The following SHROOM4 variants were observed in gnomAD, a reference collection of about 807,000 sequenced individuals.
SHROOM4 encodes the protein shroom family member 4.
Under a neutral mutation model 80.3 loss-of-function variants are expected in SHROOM4, and 17 were observed. The ratio of observed to expected loss-of-function variants is 0.21; its 90% CI spans 0.14 to 0.32. The LOEUF (loss-of-function observed/expected upper bound fraction) is 0.32. SHROOM4 is among the 10% of genes least tolerant of loss of function. The pLI, the probability that SHROOM4 is intolerant of heterozygous loss-of-function variation, is 1.00. For missense variants in SHROOM4, 993 were observed against 1,140.3 expected (o/e 0.87, Z 1.86); for synonymous variants, 400 against 437.5 (o/e 0.91, Z 1.07).
At chrX:50,789,689 G>C (rs372691165) in intron 1 of SHROOM4, among the ~76,000 whole-genome samples, 3 of 111,811 alleles carry the variant, frequency 2.7e-5, no homozygotes, top group African/African-American at 9.7e-5. Context: ...TAATAGAAAA[G>C]ATCAACAAAA....
chrX:50,775,787 C>T (rs1415146359), intron 1 of SHROOM4, among the ~76,000 whole-genome samples: 1 of 112,194 alleles, frequency 8.9e-6, no homozygotes, highest in Non-Finnish European at 1.9e-5. Flanking sequence ...CCAGGTGTGA[C>T]ATATGAGGGA....
chrX:50,714,202 C>G (rs1296742446), intron 1 of SHROOM4, among the ~76,000 whole-genome samples: 3 of 111,803 alleles, frequency 2.7e-5, no homozygotes, highest in Non-Finnish European at 5.6e-5. Flanking sequence ...TTCATACCGA[C>G]AGCATGCTGT....
At chrX:50,780,347 T>C (rs1325185080) in intron 1 of SHROOM4, among the ~76,000 whole-genome samples, 1 of 111,123 alleles carries the variant, frequency 9.0e-6, no homozygotes, top group East Asian at 2.8e-4. Flanking sequence ...TAAGATACAA[T>C]TGGAAAATTC....
At chrX:50,607,253 A>G in intron 6 of SHROOM4, 128 bp downstream of exon 6, 2 of 638,055 alleles carry the variant, frequency 3.1e-6, no homozygotes, top group East Asian at 7.1e-5. Flanking sequence ...TTTCCAGGTA[A>G]GAAAACTGAG....
At chrX:50,670,379 G>A (rs1490029775) in intron 2 of SHROOM4, among the ~76,000 whole-genome samples, 2 of 109,922 alleles carry the variant, frequency 1.8e-5, no homozygotes, top group Non-Finnish European at 3.8e-5. Context: ...CTGTTCTTGT[G>A]TTAGTTTTCT....
intron 5 of SHROOM4, among the ~76,000 whole-genome samples, chrX:50,616,114 A>T (rs1173296792): frequency 1.8e-5 from 2 of 112,228 alleles, no homozygotes; most frequent in Admixed American, 9.4e-5. Context: ...TCCTACTTCA[A>T]CTGGGTGCCT....
chrX:50,804,092 T>C (rs1468599378), intron 1 of SHROOM4, among the ~76,000 whole-genome samples: 14 of 112,242 alleles, frequency 1.2e-4, no homozygotes, highest in African/African-American at 3.6e-4. Context: ...AGAGAATTCC[T>C]GTTTAATAAG....
intron 1 of SHROOM4, among the ~76,000 whole-genome samples, chrX:50,716,835 A>G: frequency 8.9e-6 from 1 of 112,425 alleles, no homozygotes; most frequent in Non-Finnish European, 1.9e-5. Context: ...CAAAGTAATG[A>G]TTTACCTTGA....
intron 3 of SHROOM4, among the ~76,000 whole-genome samples, chrX:50,636,756 GGTAAA>G (rs1557256207): frequency 8.9e-6 from 1 of 111,829 alleles, no homozygotes; most frequent in African/African-American, 3.3e-5. Context: ...AGCTTAGAGA[GGTAAA>G]GTAAACTGAC....
the SHROOM4 span, among the ~76,000 whole-genome samples, chrX:50,578,264 C>T: frequency 8.9e-6 from 1 of 111,930 alleles, no homozygotes; most frequent in African/African-American, 3.2e-5. Context: ...GACTTTGAAC[C>T]TATAATTTTA....
At chrX:50,740,505 C>A (rs1934627531) in intron 1 of SHROOM4, among the ~76,000 whole-genome samples, 1 of 111,274 alleles carries the variant, frequency 9.0e-6, no homozygotes, top group African/African-American at 3.3e-5. Context: ...TAGCAGGGGA[C>A]TCTAATGCTC....
chrX:50,717,442 C>T (rs1557264987), intron 1 of SHROOM4, among the ~76,000 whole-genome samples: 4 of 112,184 alleles, frequency 3.6e-5, no homozygotes, highest in African/African-American at 1.3e-4. Flanking sequence ...TGGTCTCGAT[C>T]TATCTCTTGA....
chrX:50,652,421 G>GT lies in SHROOM4; in HGVS notation c.270-14114dup, dbSNP rs782783352. Among the ~76,000 whole-genome samples the GT allele has an allele frequency of 3.6e-4, 40 of 110,191 alleles. No homozygotes were observed. The East Asian group carries it at 6.1e-3, about 17-fold the overall frequency. ...ATATCCTTCACCTATTTTTTGATGGGTTTTTTTTCTTGTAAATTTGTTTAA... is the reference window on the plus strand; with the variant it reads ...ATATCCTTCACCTATTTTTTGATGGGTTTTTTTTTCTTGTAAATTTGTTTAA... On this transcript the variant is annotated intron_variant, in intron 2 of 8. Transcript: ENST00000376020.
chrX:50,650,930 C>T (rs976566027), intron 2 of SHROOM4, among the ~76,000 whole-genome samples: 1 of 111,799 alleles, frequency 8.9e-6, no homozygotes, highest in Non-Finnish European at 1.9e-5. Flanking sequence ...TTCCATCTGA[C>T]AGTTTTTTAC....
chrX:50,746,727 G>A (rs1356303878), intron 1 of SHROOM4, among the ~76,000 whole-genome samples: 1 of 112,044 alleles, frequency 8.9e-6, no homozygotes, highest in Non-Finnish European at 1.9e-5. Context: ...GCAACCCAAT[G>A]TTTTCCCATT....
chrX:50,716,624 A>G (rs1451815316), intron 1 of SHROOM4, among the ~76,000 whole-genome samples: 1 of 112,093 alleles, frequency 8.9e-6, no homozygotes, highest in Non-Finnish European at 1.9e-5. Context: ...CATTTGACAC[A>G]TAAGGGAATT....
At chrX:50,713,236 T>C (rs900752296) in intron 1 of SHROOM4, among the ~76,000 whole-genome samples, 1 of 111,408 alleles carries the variant, frequency 9.0e-6, no homozygotes, top group Non-Finnish European at 1.9e-5. Context: ...AATCAGGCTA[T>C]AATTAAGGCA....
chrX:50,813,299 A>C (rs1345740330), intron 1 of SHROOM4, among the ~76,000 whole-genome samples: 1 of 111,600 alleles, frequency 9.0e-6, no homozygotes, highest in Non-Finnish European at 1.9e-5. Context: ...AGGACTCTGG[A>C]GGGAGGGAGA....
chrX:50,738,849 C>A (rs1353906153), intron 1 of SHROOM4, among the ~76,000 whole-genome samples: 1 of 111,398 alleles, frequency 9.0e-6, no homozygotes, highest in East Asian at 2.8e-4. Flanking sequence ...TCATATGGAA[C>A]CAAAAAAGAG....
Sources: allele counts gnomAD v4.1 joint callset (sites outside exome capture counted in the v4.1 genomes callset), GRCh38; gene constraint gnomAD v4.1.1; transcripts MANE v1.5; gene names NCBI Gene and HGNC (gene_info 2026-07-23, HGNC 2026-07-21).